Variants in WDPCP observed in about 807,000 individuals in gnomAD.
The protein encoded by WDPCP is WD repeat-containing and planar cell polarity effector protein fritz homolog.
In WDPCP, 71 loss-of-function variants were observed where a neutral mutation model predicts 93.1. The ratio of observed to expected loss-of-function variants is 0.76; its 90% CI spans 0.63 to 0.93. The LOEUF (loss-of-function observed/expected upper bound fraction) is 0.93, where lower values mean the gene tolerates loss of function less well. Among genes scored for constraint, WDPCP ranks in the 40% least tolerant of loss-of-function variants. The pLI, the probability that WDPCP is intolerant of heterozygous loss-of-function variation, is 0.00. For synonymous variants in WDPCP, 315 were observed against 315.0 expected (o/e 1.00, Z 0.00); for missense variants, 844 against 887.4 (o/e 0.95, Z 0.62).
At chr2:63,400,547 C>T (rs1178057269) in intron 10 of WDPCP, among the ~76,000 whole-genome samples, 1 of 151,988 alleles carries the variant, frequency 6.6e-6, no homozygotes, top group Non-Finnish European at 1.5e-5. Flanking sequence ...AAAACAAACC[C>T]GTTAAAAAGT....
chr2:63,317,752 A>G (rs1468475162), intron 12 of WDPCP, among the ~76,000 whole-genome samples: 1 of 152,150 alleles, frequency 6.6e-6, no homozygotes, highest in Non-Finnish European at 1.5e-5. Context: ...TTCACTGTAT[A>G]CAAAAATCGA....
intron 1 of WDPCP, among the ~76,000 whole-genome samples, chr2:63,584,542 G>A (rs1237891551): frequency 6.6e-6 from 1 of 151,554 alleles, no homozygotes; most frequent in Non-Finnish European, 1.5e-5. Flanking sequence ...ATGAATCCAT[G>A]TTGGTGTGTA....
chr2:63,198,342 G>C (rs985487431), intron 14 of WDPCP, among the ~76,000 whole-genome samples: 1 of 152,002 alleles, frequency 6.6e-6, no homozygotes, highest in Non-Finnish European at 1.5e-5. Context: ...TGTCTATGGG[G>C]CTAGGTTCTT....
chr2:63,254,994 A>G (rs1444317487), intron 14 of WDPCP, among the ~76,000 whole-genome samples: 1 of 152,178 alleles, frequency 6.6e-6, no homozygotes, highest in Non-Finnish European at 1.5e-5. Context: ...TTGAAAATCA[A>G]TGCAATTCAC....
At chr2:63,386,749 A>G (rs575137989) in intron 10 of WDPCP, among the ~76,000 whole-genome samples, 2 of 152,110 alleles carry the variant, frequency 1.3e-5, no homozygotes, top group Non-Finnish European at 2.9e-5. Context: ...TAGCATTTTT[A>G]ATCTGTTAGC....
intron 17 of WDPCP, among the ~76,000 whole-genome samples, chr2:63,125,803 G>A (rs563981942): frequency 6.6e-5 from 10 of 152,210 alleles, no homozygotes; most frequent in African/African-American, 2.4e-4. Context: ...TAGAGATGGG[G>A]TTTTCCCGTG....
chr2:63,261,106 C>T (rs1681591531), intron 13 of WDPCP, among the ~76,000 whole-genome samples: 1 of 151,536 alleles, frequency 6.6e-6, no homozygotes, highest in Non-Finnish European at 1.5e-5. Flanking sequence ...CATTTCATTT[C>T]AACGAGAACA....
At chr2:63,622,800 A>G in intron 3 of WDPCP, 1 of 1,612,234 alleles carries the variant, frequency 6.2e-7, no homozygotes, top group Non-Finnish European at 8.5e-7. Context: ...GGAACTCCGG[A>G]GCACGCTCTG....
At chr2:63,735,675 T>G (rs1262031295) in intron 2 of WDPCP, among the ~76,000 whole-genome samples, 1 of 152,104 alleles carries the variant, frequency 6.6e-6, no homozygotes, top group African/African-American at 2.4e-5. Flanking sequence ...GAAAACCAGT[T>G]AGGAGTCTAT....
intron 2 of WDPCP, among the ~76,000 whole-genome samples, chr2:63,798,499 A>G (rs1170466398): frequency 1.3e-5 from 2 of 152,218 alleles, no homozygotes; most frequent in Non-Finnish European, 2.9e-5. Context: ...TGTTGTTATC[A>G]GCTTAAAATA....
intron 9 of WDPCP, among the ~76,000 whole-genome samples, chr2:63,426,492 G>C (rs1696306517): frequency 6.6e-6 from 1 of 152,142 alleles, no homozygotes; most frequent in Admixed American, 6.5e-5. Context: ...TTTCAAACAA[G>C]TAATGCTAAG....
intron 3 of WDPCP, among the ~76,000 whole-genome samples, chr2:63,623,708 A>C (rs1709775293): frequency 6.6e-6 from 1 of 152,196 alleles, no homozygotes; most frequent in African/African-American, 2.4e-5. Flanking sequence ...AGACCTACAA[A>C]GAGACTTAGA....
At chr2:63,141,767 TTTG>T (rs912145071) in intron 17 of WDPCP, among the ~76,000 whole-genome samples, 4 of 152,132 alleles carry the variant, frequency 2.6e-5, no homozygotes, top group Admixed American at 1.3e-4. Flanking sequence ...GACTCTTTTT[TTTG>T]TTGTTGTTGG....
intron 1 of WDPCP, among the ~76,000 whole-genome samples, chr2:63,504,386 A>G (rs181352673): frequency 6.7e-6 from 1 of 149,826 alleles, no homozygotes; most frequent in Admixed American, 6.7e-5. Flanking sequence ...TTATTCACAT[A>G]TTCTTAAAAA....
At chr2:63,226,397 A>C (rs1396514476) in intron 14 of WDPCP, among the ~76,000 whole-genome samples, 1 of 151,776 alleles carries the variant, frequency 6.6e-6, no homozygotes, top group Non-Finnish European at 1.5e-5. Flanking sequence ...ATTCTATACA[A>C]CCTTAAAATA....
At chr2:63,270,136 A>G (rs913872485) in intron 13 of WDPCP, among the ~76,000 whole-genome samples, 5 of 152,234 alleles carry the variant, frequency 3.3e-5, no homozygotes, top group African/African-American at 9.6e-5. Flanking sequence ...TTTAGTAATC[A>G]ATTGTTAACA....
the WDPCP span, among the ~76,000 whole-genome samples, chr2:63,833,212 C>T: frequency 1.3e-5 from 2 of 152,180 alleles, no homozygotes; most frequent in Admixed American, 6.5e-5. Context: ...GAGGCTATGC[C>T]ACTGCACTCC....
At position 63,575,485 on chromosome 2, in the gene WDPCP, A is replaced by G. The variant is rs374394884; in HGVS notation, c.75+12712T>C. ...TATATATGCAGTATATACAGTGTAT[A>G]TATAGTATATACAGTATATACACTG... On this transcript the variant is annotated intron_variant, in intron 1 of 17. Transcript: ENST00000272321. Among the ~76,000 whole-genome samples, 287 of 51,890 alleles carry G rather than the reference A, an allele frequency of 5.5e-3. 12 individuals are homozygous for G. The Middle Eastern group carries it at 0.12, about 23-fold the overall frequency. 34.0% of individuals were successfully genotyped at this position (51,890 alleles called of 152,430 possible).
At chr2:63,575,082 A>G (rs1186592006) in intron 1 of WDPCP, among the ~76,000 whole-genome samples, 2 of 151,964 alleles carry the variant, frequency 1.3e-5, no homozygotes, top group Non-Finnish European at 2.9e-5. Flanking sequence ...GACAACATAC[A>G]TATCTGTCAT....
Sources: gnomAD v4.1 joint callset for allele counts (sites outside exome capture counted in the v4.1 genomes callset) on GRCh38, gnomAD v4.1.1 for gene constraint, MANE v1.5 for transcripts, NCBI Gene and HGNC (gene_info 2026-07-23, HGNC 2026-07-21) for gene names.